Variants in DENND4A observed in about 807,000 individuals in gnomAD.
DENND4A encodes the protein C-myc promoter-binding protein.
DENND4A carries 70 observed loss-of-function variants against 199.3 expected under a neutral mutation model. The ratio of observed to expected loss-of-function variants is 0.35; its 90% CI spans 0.29 to 0.43. The LOEUF (loss-of-function observed/expected upper bound fraction) is 0.43, where lower values mean the gene tolerates loss of function less well. DENND4A is among the 20% of genes least tolerant of loss of function. The probability of loss-of-function intolerance (pLI) is 1.00; values close to 1 mark genes in which losing one functional copy is unlikely to be tolerated. For missense variants in DENND4A, 1,723 were observed against 2,255.8 expected (o/e 0.76, Z 4.78); for synonymous variants, 686 against 766.9 (o/e 0.89, Z 1.74).
At chr15:65,715,804 A>G (rs926131643) in intron 13 of DENND4A, among the ~76,000 whole-genome samples, 181 bp from the exon 14 acceptor site, 1 of 152,194 alleles carries the variant, frequency 6.6e-6, no homozygotes, top group African/African-American at 2.4e-5. Flanking sequence ...ATAAAGGAAC[A>G]TAAACCCAGA....
chr15:65,662,227 A>G (rs2075867445), intron 32 of DENND4A, among the ~76,000 whole-genome samples: 2 of 152,186 alleles, frequency 1.3e-5, no homozygotes, highest in Non-Finnish European at 2.9e-5. Flanking sequence ...TACCACACAC[A>G]CTTTTTTGGT....
chr15:65,673,430 CA>C (rs762731495), intron 24 of DENND4A, among the ~76,000 whole-genome samples: 3 of 151,548 alleles, frequency 2.0e-5, no homozygotes, highest in Non-Finnish European at 4.4e-5. Flanking sequence ...ATGACTCTGC[CA>C]CTGCACTCCA....
At chr15:65,714,424 CAAAAA>C (rs56931007) in intron 14 of DENND4A, among the ~76,000 whole-genome samples, 11 of 148,016 alleles carry the variant, frequency 7.4e-5, no homozygotes, top group Admixed American at 6.0e-4. Flanking sequence ...AAAAAAAAAA[CAAAAA>C]AAAAACCCAA....
Position 65,659,530 on chromosome 15 carries a change from G to T in DENND4A, c.*2321C>A, listed in dbSNP as rs895324567. The T allele has an allele frequency of 6.6e-6, 1 of 151,402 alleles. No homozygotes were observed. Among genetic ancestry groups the T allele is most frequent in the Non-Finnish European group, 1.5e-5 (1 of 67,852 alleles). The allele number at this position is 151,402 out of a possible 1,614,324, so 9.4% of individuals were successfully genotyped here. On this transcript the variant is annotated 3_prime_UTR_variant, in exon 33 of 33. Coordinates refer to ENST00000443035, the MANE Select transcript of DENND4A (RefSeq NM_001320835.1). ...TAAAAAATTTTTTTGTAGAGACAGGGTCTCTCTATGTTGCTCAGGCTGGTT... is the reference window on the plus strand; with the variant it reads ...TAAAAAATTTTTTTGTAGAGACAGGTTCTCTCTATGTTGCTCAGGCTGGTT...
chr15:65,717,707 C>G, intron 13 of DENND4A, 71 bp downstream of exon 13: 1 of 1,308,820 alleles, frequency 7.6e-7, no homozygotes, highest in Non-Finnish European at 1.0e-6. Flanking sequence ...GCTATTAATA[C>G]AGACAGCAAA....
At chr15:65,706,335 T>C (rs986999942) in intron 14 of DENND4A, 111 bp from the exon 15 acceptor site, 1 of 1,099,824 alleles carries the variant, frequency 9.1e-7, no homozygotes, top group Non-Finnish European at 1.2e-6. Flanking sequence ...TAAACAGCTA[T>C]TAAAAAAGAA....
Position 65,761,351 on chromosome 15 carries a change from A to G in DENND4A, c.-23+9T>C, listed in dbSNP as rs1473560186. On this transcript the variant is annotated intron_variant, in intron 2 of 32. Transcript: ENST00000443035. Reference sequence around the variant, plus strand: ...AAACAAATCAAAATGAAAGCCAAAAACTACTTACACATTACCGAAAGTTTC... The same window carrying G: ...AAACAAATCAAAATGAAAGCCAAAAGCTACTTACACATTACCGAAAGTTTC... 3 of 152,206 alleles carry G rather than the reference A, an allele frequency of 2.0e-5. No individual in the cohort carries two copies. The highest frequency in any genetic ancestry group is 4.4e-5 in the Non-Finnish European group (3 of 68,036). The allele number at this position is 152,206 out of a possible 1,614,324, so 9.4% of individuals were successfully genotyped here. A position where few individuals can be genotyped will look rare whatever the true frequency, so the allele number is the denominator to read the frequency against.
intron 3 of DENND4A, among the ~76,000 whole-genome samples, chr15:65,755,047 T>A (rs2076664635): frequency 1.3e-5 from 2 of 152,250 alleles, no homozygotes; most frequent in African/African-American, 2.4e-5. Context: ...TATACCCATA[T>A]GATGGAATAT....
At chr15:65,737,155 CG>C (rs1351891895) in intron 7 of DENND4A, among the ~76,000 whole-genome samples, 1 of 152,058 alleles carries the variant, frequency 6.6e-6, no homozygotes, top group African/African-American at 2.4e-5. Context: ...CTCTGCTTCC[CG>C]GGTTCAAGTG....
At chr15:65,738,373 T>C (rs1380377913) in intron 6 of DENND4A, among the ~76,000 whole-genome samples, 2 of 152,126 alleles carry the variant, frequency 1.3e-5, no homozygotes, top group Non-Finnish European at 2.9e-5. Context: ...ATGTCCAAGG[T>C]CCCTTCCAAC....
intron 2 of DENND4A, among the ~76,000 whole-genome samples, chr15:65,759,849 G>A (rs1473437300): frequency 6.6e-6 from 1 of 152,144 alleles, no homozygotes; most frequent in Non-Finnish European, 1.5e-5. Flanking sequence ...TTTTTAAAGG[G>A]CTGCATAGTA....
chr15:65,705,505 G>C (rs2075018896), intron 15 of DENND4A, among the ~76,000 whole-genome samples: 1 of 152,072 alleles, frequency 6.6e-6, no homozygotes, highest in Non-Finnish European at 1.5e-5. Flanking sequence ...CACTAGACTT[G>C]AAGGCAGGGA....
intron 11 of DENND4A, 42 bp from the exon 12 acceptor site, chr15:65,722,990 T>C (rs1452237091): frequency 6.1e-6 from 9 of 1,487,018 alleles, no homozygotes; most frequent in Non-Finnish European, 8.2e-6. Flanking sequence ...TTACATGGTC[T>C]TTTGGAGGGG....
intron 2 of DENND4A, among the ~76,000 whole-genome samples, chr15:65,756,991 C>T (rs2076719594): frequency 6.6e-6 from 1 of 152,092 alleles, no homozygotes; most frequent in Non-Finnish European, 1.5e-5. Flanking sequence ...GAGCCGAGAT[C>T]GGACCACTGC....
At chr15:65,773,085 C>T in intron 1 of DENND4A, among the ~76,000 whole-genome samples, 1 of 151,302 alleles carries the variant, frequency 6.6e-6, no homozygotes, top group South Asian at 2.1e-4. Context: ...CAATGGCATC[C>T]AGTGGCATCA....
chr15:65,715,901 T>G (rs1045754042), intron 13 of DENND4A, among the ~76,000 whole-genome samples: 1 of 152,128 alleles, frequency 6.6e-6, no homozygotes, highest in Non-Finnish European at 1.5e-5. Flanking sequence ...ATTGCTCTCT[T>G]TTCCCCTAAA....
intron 4 of DENND4A, among the ~76,000 whole-genome samples, chr15:65,743,139 A>G (rs2076302318): frequency 6.6e-6 from 1 of 152,172 alleles, no homozygotes; most frequent in Non-Finnish European, 1.5e-5. Context: ...GCCACAGTCT[A>G]TCACTACATA....
At chr15:65,701,921 C>T (rs1376176682) in intron 17 of DENND4A, 31 bp from the exon 18 acceptor site, 1 of 1,612,218 alleles carries the variant, frequency 6.2e-7, no homozygotes, top group Non-Finnish European at 8.5e-7. Context: ...TGTACCGAAA[C>T]ACAGATGTCA....
At chr15:65,773,424 AT>A (rs2077194869) in intron 1 of DENND4A, among the ~76,000 whole-genome samples, 1 of 152,198 alleles carries the variant, frequency 6.6e-6, no homozygotes, top group African/African-American at 2.4e-5. Flanking sequence ...ATAATACATG[AT>A]AAGTCTATAA....
Sources: gnomAD v4.1 joint callset for allele counts (sites outside exome capture counted in the v4.1 genomes callset) on GRCh38, gnomAD v4.1.1 for gene constraint, MANE v1.5 for transcripts, NCBI Gene and HGNC (gene_info 2026-07-23, HGNC 2026-07-21) for gene names.